MEF2C: variants seen among roughly 807,000 people sequenced by gnomAD.
MEF2C encodes the protein myocyte enhancer factor 2C.
MEF2C carries 6 observed loss-of-function variants against 50.5 expected under a neutral mutation model. That is an observed-to-expected ratio of 0.12 (90% confidence interval 0.07 to 0.23). The LOEUF (loss-of-function observed/expected upper bound fraction) is 0.23, where lower values mean the gene tolerates loss of function less well. Ranked by LOEUF, MEF2C falls within the 10% of genes least tolerant of loss-of-function variation. The pLI is 1.00. For synonymous variants in MEF2C, 183 were observed against 228.0 expected (o/e 0.80, Z 1.78); for missense variants, 276 against 605.0 (o/e 0.46, Z 5.70).
intron 6 of MEF2C, chr5:88,748,003 A>G (rs1248547225): frequency 1.0e-6 from 1 of 959,782 alleles, no homozygotes; most frequent in Non-Finnish European, 1.2e-6. Flanking sequence ...CAAAAGATAT[A>G]TAAAATAGGA....
intron 3 of MEF2C, among the ~76,000 whole-genome samples, chr5:88,763,917 G>T (rs1737737755): frequency 6.6e-6 from 1 of 152,120 alleles, no homozygotes. Flanking sequence ...TTCCCAAAAT[G>T]CTGGGATTAC....
At chr5:88,729,415 A>G (rs1760418573) in intron 8 of MEF2C, 68 bp from the exon 9 acceptor site, 3 of 1,367,204 alleles carry the variant, frequency 2.2e-6, no homozygotes, top group South Asian at 2.5e-5. Flanking sequence ...AGATTTCAGT[A>G]TTAGTTTTCC....
rs984481949 is a variant in MEF2C, at chr5:88,790,069, C to A, written c.258+14529G>T. ...ATCTTCCTTAACTGTGTGCTCCAGG[C>A]AGCCAGTACAAAGTGATGGGCACAC... On this transcript the variant is annotated intron_variant, in intron 3 of 10. Transcript: ENST00000504921. 3.3e-5 allele frequency among the ~76,000 whole-genome samples: 5 copies of A among 152,242 alleles called. 1 individual carries two copies. The South Asian group carries it at 8.3e-4, about 25-fold the overall frequency.
At chr5:88,826,108 T>C (rs1810754412) in intron 1 of MEF2C, among the ~76,000 whole-genome samples, 1 of 151,900 alleles carries the variant, frequency 6.6e-6, no homozygotes, top group South Asian at 2.1e-4. Flanking sequence ...CTCCATATCA[T>C]CACCCCATAT....
At chr5:88,824,176 C>A (rs1251522567) in intron 1 of MEF2C, 1 of 952,886 alleles carries the variant, frequency 1.0e-6, no homozygotes, top group Non-Finnish European at 1.3e-6. Flanking sequence ...GCAAACTATG[C>A]TTTTTTAAAG....
In MEF2C at chr5:88,731,712, A is replaced by G; in HGVS notation, c.810+17T>C. 3.1e-6 allele frequency: 5 copies of G among 1,605,582 alleles called. No homozygotes were observed. The highest frequency in any genetic ancestry group is 4.3e-6 in the Non-Finnish European group (5 of 1,172,946). Reference sequence around the variant, plus strand: ...AAAACATTATCAATATTTATTTAAAATGTAGTTTTGTATTACCACTGATGG... The same window carrying G: ...AAAACATTATCAATATTTATTTAAAGTGTAGTTTTGTATTACCACTGATGG... On this transcript the variant is annotated intron_variant, in intron 7 of 10. Transcript: ENST00000504921.
chr5:88,837,088 C>T (rs903039725), intron 1 of MEF2C, among the ~76,000 whole-genome samples: 5 of 146,588 alleles, frequency 3.4e-5, no homozygotes, highest in Non-Finnish European at 7.5e-5. Flanking sequence ...TTTTCATATT[C>T]TTCTACATGC....
intron 1 of MEF2C, among the ~76,000 whole-genome samples, chr5:88,860,994 C>T (rs779596055): frequency 6.6e-6 from 1 of 152,146 alleles, no homozygotes; most frequent in Non-Finnish European, 1.5e-5. Flanking sequence ...GTTACTTCAT[C>T]TTTAGAAATG....
chr5:88,737,214 G>T, intron 6 of MEF2C: 1 of 985,100 alleles, frequency 1.0e-6, no homozygotes, highest in Non-Finnish European at 1.2e-6. Flanking sequence ...TGCTACTTGA[G>T]AAAATTTTAT....
chr5:88,847,316 T>C (rs187420573), intron 1 of MEF2C, among the ~76,000 whole-genome samples: 246 of 152,342 alleles, frequency 1.6e-3, no homozygotes, highest in Non-Finnish European at 2.7e-3. Flanking sequence ...TCTAGTATGT[T>C]ATAATAAGAC....
intron 1 of MEF2C, among the ~76,000 whole-genome samples, chr5:88,900,930 C>T (rs1393860403): frequency 2.6e-5 from 4 of 151,876 alleles, no homozygotes; most frequent in Admixed American, 2.6e-4. Flanking sequence ...AAGCTTTCTT[C>T]CCATAACTCC....
At chr5:88,824,304 A>G (rs1809887274) in intron 1 of MEF2C, 2 of 985,362 alleles carry the variant, frequency 2.0e-6, no homozygotes, top group South Asian at 9.4e-5. Flanking sequence ...ATGAACCTTT[A>G]TGTACCTGTG....
intron 3 of MEF2C, chr5:88,770,109 G>A: frequency 1.7e-6 from 1 of 582,924 alleles, no homozygotes; most frequent in Non-Finnish European, 2.2e-6. Flanking sequence ...GAGAGGAAAG[G>A]AGTAAATTAA....
At chr5:88,800,375 A>G (rs911525874) in intron 3 of MEF2C, among the ~76,000 whole-genome samples, 11 of 152,132 alleles carry the variant, frequency 7.2e-5, no homozygotes, top group Non-Finnish European at 1.5e-4. Flanking sequence ...TTGCCGTCCA[A>G]TTGTTCCCAA....
At chr5:88,819,732 C>G (rs1255133527) in intron 2 of MEF2C, among the ~76,000 whole-genome samples, 6 of 151,908 alleles carry the variant, frequency 3.9e-5, no homozygotes. Context: ...AAACTGTAGC[C>G]TACAAGTGAA....
intron 10 of MEF2C, among the ~76,000 whole-genome samples, chr5:88,727,565 TTAACTAATACAGC>T (rs1759432614): frequency 6.6e-6 from 1 of 152,166 alleles, no homozygotes; most frequent in Non-Finnish European, 1.5e-5. Context: ...ATATAACTAG[TTAACTAATACAGC>T]TAAGTGATTA....
chr5:88,870,111 A>T (rs907261502), intron 1 of MEF2C, among the ~76,000 whole-genome samples: 4 of 151,936 alleles, frequency 2.6e-5, no homozygotes, highest in Admixed American at 6.6e-5. Flanking sequence ...AAATTTCATA[A>T]TTGGAAATTT....
chr5:88,889,074 A>C (rs1004099711), intron 1 of MEF2C: 5 of 151,992 alleles, frequency 3.3e-5, no homozygotes, highest in Non-Finnish European at 5.9e-5. Context: ...GGAAGTGGGG[A>C]TTAAAAATCT....
chr5:88,726,192 G>A (rs1758619099), intron 10 of MEF2C, among the ~76,000 whole-genome samples: 1 of 152,080 alleles, frequency 6.6e-6, no homozygotes, highest in South Asian at 2.1e-4. Flanking sequence ...TAACCATCTT[G>A]GGCTGCTGGG....
Sources: gnomAD v4.1 joint callset for allele counts (sites outside exome capture counted in the v4.1 genomes callset) on GRCh38, gnomAD v4.1.1 for gene constraint, MANE v1.5 for transcripts, NCBI Gene and HGNC (gene_info 2026-07-23, HGNC 2026-07-21) for gene names.